Variants in SH3D19 observed in about 807,000 individuals in gnomAD.
SH3D19 encodes SH3 domain-containing protein 19.
A neutral mutation model predicts 112.1 loss-of-function variants in SH3D19; 58 were observed. The ratio of observed to expected loss-of-function variants is 0.52; its 90% confidence interval spans 0.42 to 0.64. SH3D19 has a LOEUF of 0.64. SH3D19 is among the 30% of genes least tolerant of loss of function. SH3D19 has a pLI of 0.00. For missense variants in SH3D19, 1,090 were observed against 1,263.4 expected (o/e 0.86, Z 2.08); for synonymous variants, 391 against 448.5 (o/e 0.87, Z 1.62).
intron 3 of SH3D19, among the ~76,000 whole-genome samples, chr4:151,180,754 T>G (rs1579994517): frequency 6.7e-6 from 1 of 149,494 alleles, no homozygotes; most frequent in East Asian, 2.0e-4. Flanking sequence ...CTATTACCTC[T>G]ATTTTTCTTT....
chr4:151,319,174 G>C (rs748715383), intron 1 of SH3D19, among the ~76,000 whole-genome samples: 1 of 152,060 alleles, frequency 6.6e-6, no homozygotes, highest in South Asian at 2.1e-4. Flanking sequence ...TCAGGCTCCC[G>C]AGTAGCTGGG....
At chr4:151,174,608 G>A in intron 7 of SH3D19, 62 bp downstream of exon 7, 1 of 1,438,788 alleles carries the variant, frequency 7.0e-7, no homozygotes, top group South Asian at 1.6e-5. Context: ...AAAACAGCAA[G>A]TGCCATTTAA....
At chr4:151,206,234 C>G (rs1765086627) in intron 2 of SH3D19, among the ~76,000 whole-genome samples, 1 of 152,066 alleles carries the variant, frequency 6.6e-6, no homozygotes, top group South Asian at 2.1e-4. Flanking sequence ...GGAGTATATA[C>G]AAATAAATGA....
chr4:151,254,712 T>G (rs1243332288), intron 1 of SH3D19, among the ~76,000 whole-genome samples: 1 of 150,376 alleles, frequency 6.6e-6, no homozygotes, highest in Non-Finnish European at 1.5e-5. Context: ...AAGTCTCCCA[T>G]GTCTACTTCT....
intron 1 of SH3D19, among the ~76,000 whole-genome samples, chr4:151,236,194 T>C (rs967545772): frequency 6.6e-6 from 1 of 152,212 alleles, no homozygotes; most frequent in Non-Finnish European, 1.5e-5. Flanking sequence ...GGCCCCTCTC[T>C]GGGGCTGGCC....
chr4:151,175,608 T>G lies in SH3D19; in HGVS notation c.596A>C (p.Asn199Thr), dbSNP rs1283229912. Residue 199 changes from asparagine (N) to threonine (T), a missense_variant, in exon 7 of 20, where the codon AAT becomes ACT. Coordinates refer to ENST00000604030, the MANE Select transcript of SH3D19 (RefSeq NM_001378122.1). ...ATCAAAGACGATTAAAGGTGCCACA[T>G]TTGTTGGAAGATTGCCAGACGAGAC... ...SAVSSGNLPTNVAPLIVFDIS... is the reference protein window; with the variant it reads ...SAVSSGNLPTTVAPLIVFDIS... The G allele has an allele frequency of 5.3e-6, 7 of 1,317,312 alleles. No homozygotes were observed. The highest frequency in any genetic ancestry group is 5.8e-6 in the Non-Finnish European group (6 of 1,039,966). 81.6% of individuals were successfully genotyped at this position (1,317,312 alleles called of 1,614,324 possible).
At position 151,167,788 on chromosome 4, in the gene SH3D19, A is replaced by C. The variant is rs376735019; in HGVS notation, c.1535-2092T>G. Among the ~76,000 whole-genome samples, 33 of 150,070 alleles carry C rather than the reference A, an allele frequency of 2.2e-4. No homozygotes were observed. The East Asian group carries it at 6.5e-3, about 30-fold the overall frequency. On this transcript the variant is annotated intron_variant, in intron 7 of 19. Transcript: ENST00000604030. ...TGGCCACCCCGTCTGGGAAGTGAGG[A>C]GCGCCTCTGCCTGGCTGCCGCCCCA...
chr4:151,182,048 G>A (rs1761040921), intron 3 of SH3D19, among the ~76,000 whole-genome samples: 1 of 151,936 alleles, frequency 6.6e-6, no homozygotes, highest in Non-Finnish European at 1.5e-5. Flanking sequence ...GAGTGCGGTG[G>A]CACAATATTG....
chr4:151,177,062 A>T (rs1579975868), intron 4 of SH3D19, 107 bp from the exon 5 acceptor site: 1 of 964,622 alleles, frequency 1.0e-6, no homozygotes. Context: ...AAAAAGTTGT[A>T]AGAACTAACA....
intron 1 of SH3D19, chr4:151,300,634 T>C (rs534227405): frequency 5.3e-5 from 8 of 151,562 alleles, no homozygotes; most frequent in Non-Finnish European, 1.2e-4. Context: ...TGTATGGCCA[T>C]GTTAAGAAAT....
chr4:151,309,374 T>A (rs1308498982), intron 1 of SH3D19, among the ~76,000 whole-genome samples: 2 of 152,064 alleles, frequency 1.3e-5, no homozygotes, highest in South Asian at 2.1e-4. Context: ...CTAAAATCCA[T>A]GTATAAAATT....
At chr4:151,199,045 C>T (rs1764005169) in intron 2 of SH3D19, among the ~76,000 whole-genome samples, 1 of 147,506 alleles carries the variant, frequency 6.8e-6, no homozygotes, top group African/African-American at 2.5e-5. Context: ...TGCAAAGCCA[C>T]TGGAGAACTT....
At chr4:151,246,599 C>A (rs1770964840) in intron 1 of SH3D19, among the ~76,000 whole-genome samples, 3 of 152,142 alleles carry the variant, frequency 2.0e-5, no homozygotes, top group Non-Finnish European at 4.4e-5. Flanking sequence ...CTGTTCTTTA[C>A]AATAGCAAAT....
At chr4:151,246,281 A>G (rs1770941005) in intron 1 of SH3D19, among the ~76,000 whole-genome samples, 1 of 152,210 alleles carries the variant, frequency 6.6e-6, no homozygotes, top group South Asian at 2.1e-4. Context: ...TCAGGGTAAC[A>G]TCTGAATTAA....
At chr4:151,230,702 T>A (rs575004198) in intron 1 of SH3D19, among the ~76,000 whole-genome samples, 1 of 151,880 alleles carries the variant, frequency 6.6e-6, no homozygotes, top group Non-Finnish European at 1.5e-5. Flanking sequence ...AAGTGATTCT[T>A]CTGCCTCAGC....
chr4:151,240,457 A>G lies in SH3D19; in HGVS notation c.113-14371T>C, dbSNP rs528302983. Among the ~76,000 whole-genome samples the G allele has an allele frequency of 2.6e-5, 4 of 151,940 alleles. No individual in the cohort carries two copies. In the South Asian group the frequency reaches 8.3e-4, roughly 32 times the overall value. On this transcript the variant is annotated intron_variant, in intron 1 of 19. Coordinates refer to ENST00000604030, the MANE Select transcript of SH3D19 (RefSeq NM_001378122.1). ...GGAAGTTCTCTTCACTACGTGTTTC[A>G]TAAGCAGAAGGTACTGCACATGAGG...
At chr4:151,249,086 A>G (rs1771162493) in intron 1 of SH3D19, among the ~76,000 whole-genome samples, 1 of 152,212 alleles carries the variant, frequency 6.6e-6, no homozygotes, top group South Asian at 2.1e-4. Context: ...ATGAATGCCC[A>G]ACTATAAAAC....
chr4:151,283,537 A>C (rs1225505789), intron 1 of SH3D19, among the ~76,000 whole-genome samples: 1 of 145,824 alleles, frequency 6.9e-6, no homozygotes, highest in East Asian at 2.0e-4. Context: ...TTTAAATTAG[A>C]GACAGAGCCT....
chr4:151,155,611 C>T (rs758479862), intron 9 of SH3D19, among the ~76,000 whole-genome samples: 44 of 152,066 alleles, frequency 2.9e-4, no homozygotes, highest in Non-Finnish European at 5.1e-4. Context: ...TGGGGTCTGG[C>T]GTGGTTGCTC....
Sources: gnomAD v4.1 joint callset for allele counts (sites outside exome capture counted in the v4.1 genomes callset) on GRCh38, gnomAD v4.1.1 for gene constraint, MANE v1.5 for transcripts, NCBI Gene and HGNC (gene_info 2026-07-23, HGNC 2026-07-21) for gene names.